The following SMYD5 variants were observed in gnomAD, a reference collection of about 807,000 sequenced individuals.
SMYD5 encodes the protein protein-lysine N-trimethyltransferase SMYD5.
Under a neutral mutation model 57.4 loss-of-function variants are expected in SMYD5, and 35 were observed. That is an observed-to-expected ratio of 0.61 (90% CI 0.47 to 0.81). The LOEUF (loss-of-function observed/expected upper bound fraction) is 0.81. Among genes scored for constraint, SMYD5 ranks in the 30% least tolerant of loss-of-function variants. The pLI is 0.00. For missense variants in SMYD5, 471 were observed against 527.9 expected, an observed-to-expected ratio of 0.89 and a Z score of 1.06; for synonymous variants, 198 against 189.7, an observed-to-expected ratio of 1.04 and a Z score of -0.36.
intron 2 of SMYD5, 81 bp downstream of exon 2, chr2:73,219,050 G>A (rs1319371885): frequency 1.4e-5 from 14 of 1,008,414 alleles, no homozygotes; most frequent in Non-Finnish European, 1.9e-5. Flanking sequence ...ACTGGCTGAC[G>A]TCTCTGGAAC....
Position 73,218,932 on chromosome 2 carries a change from T to C in SMYD5, c.168T>C (p.Ala56=). Residue 56 remains alanine (A), a synonymous_variant, in exon 2 of 13, where the codon GCT becomes GCC. Transcript: ENST00000389501. The part of the protein sequence containing the change: ...ETIFVERPLV[A]AQFLWNALYR... ...TCTTCGTAGAACGGCCCCTGGTGGC[T>C]GCACAGTTTCTCTGGAATGCACTTT... The C allele has an allele frequency of 6.2e-7, 1 of 1,614,196 alleles. No individual in the cohort carries two copies. Among genetic ancestry groups the C allele is most frequent in the Non-Finnish European group, 8.5e-7 (1 of 1,179,984 alleles).
At chr2:73,220,925 C>T in intron 4 of SMYD5, 143 bp downstream of exon 4, 1 of 982,478 alleles carries the variant, frequency 1.0e-6, no homozygotes, top group Non-Finnish European at 1.5e-6. Flanking sequence ...GTCACATAAC[C>T]CTATCCCCTG....
At position 73,226,091 on chromosome 2, in the gene SMYD5, C is replaced by T. The variant is rs1363308356; in HGVS notation, c.*145C>T. The T allele has an allele frequency of 5.1e-6, 6 of 1,169,306 alleles. No individual in the cohort carries two copies. In the Admixed American group the frequency reaches 8.6e-5, roughly 17 times the overall value. 72.4% of individuals were successfully genotyped at this position (1,169,306 alleles called of 1,614,324 possible). A position where few individuals can be genotyped will look rare whatever the true frequency, so the allele number is the denominator to read the frequency against. ...CTCTCTGCTAGAGGGTAGGAGAGAG[C>T]CTGGATCTCTGGCCCCAACCCCCAC... On this transcript the variant is annotated 3_prime_UTR_variant, in exon 13 of 13. Transcript: ENST00000389501.
intron 1 of SMYD5, 83 bp downstream of exon 1, chr2:73,214,445 C>T (rs1408748015): frequency 1.9e-6 from 3 of 1,602,712 alleles, no homozygotes; most frequent in Non-Finnish European, 2.6e-6. Context: ...GCCCGGAGCC[C>T]AGAGGCTTCT....
rs1483569832 is a variant in SMYD5, at chr2:73,224,019, G to A, written c.940+16G>A. On this transcript the variant is annotated intron_variant, in intron 10 of 12. Coordinates refer to ENST00000389501, the MANE Select transcript of SMYD5 (RefSeq NM_006062.3). ...CAGAGCTGCTGTGAGTCATGGCGTT[G>A]AGGAGGGATGGTCCCAGGCGCTTCT... 10 of 1,613,190 alleles carry A rather than the reference G, an allele frequency of 6.2e-6. No homozygotes were observed. The highest frequency in any genetic ancestry group is 8.5e-6 in the Non-Finnish European group (10 of 1,179,210).
chr2:73,214,439 G>C (rs1686252715), intron 1 of SMYD5, 77 bp downstream of exon 1: 1 of 1,603,744 alleles, frequency 6.2e-7, no homozygotes, highest in African/African-American at 1.3e-5. Flanking sequence ...CTCCATGCCC[G>C]GAGCCCAGAG....
Position 73,223,025 on chromosome 2 carries a change from T to G in SMYD5, c.706-11T>G. 1 of 1,612,558 alleles carries G rather than the reference T, an allele frequency of 6.2e-7. No individual in the cohort carries two copies. The highest frequency in any genetic ancestry group is 8.5e-7 in the Non-Finnish European group (1 of 1,178,596). On this transcript the variant is annotated splice_polypyrimidine_tract_variant and intron_variant, in intron 7 of 12. Coordinates refer to ENST00000389501, the MANE Select transcript of SMYD5 (RefSeq NM_006062.3). ...CTGTAATGAGCACTCATCTCTTTTT[T>G]CCCCCCACAGTGGTTCACTCCAGAT... is the stretch of plus-strand genomic sequence containing the variant.
intron 7 of SMYD5, 81 bp from the exon 8 acceptor site, chr2:73,222,955 G>A: frequency 6.6e-7 from 1 of 1,509,960 alleles, no homozygotes; most frequent in Non-Finnish European, 9.2e-7. Flanking sequence ...CTGACTCACA[G>A]AAGGCTTCCC....
chr2:73,219,060 C>T, intron 2 of SMYD5, 91 bp downstream of exon 2: 1 of 909,612 alleles, frequency 1.1e-6, no homozygotes, highest in Admixed American at 1.9e-5. Context: ...GTCTCTGGAA[C>T]TCTGGGTGTT....
chr2:73,224,789 G>T, intron 10 of SMYD5, 77 bp from the exon 11 acceptor site: 1 of 1,135,948 alleles, frequency 8.8e-7, no homozygotes, highest in Non-Finnish European at 1.3e-6. Flanking sequence ...GAGCAAGAAA[G>T]GACCCAGTGC....
At chr2:73,215,060 A>G (rs28494633) in intron 1 of SMYD5, among the ~76,000 whole-genome samples, 17,599 of 152,218 alleles carry the variant, frequency 0.12, 1,633 homozygotes, top group African/African-American at 0.26. Flanking sequence ...ATTTCTACAT[A>G]TTAAGTTTTA....
Position 73,220,538 on chromosome 2 carries a change from A to G in SMYD5, c.346-123A>G, listed in dbSNP as rs1005528508. The G allele has an allele frequency of 3.3e-5, 39 of 1,168,080 alleles. 1 individual carries two copies. The South Asian group carries it at 3.9e-4, about 12-fold the overall frequency. 72.4% of individuals were successfully genotyped at this position (1,168,080 alleles called of 1,614,324 possible). On this transcript the variant is annotated intron_variant, in intron 3 of 12. Transcript: ENST00000389501. ...CTTTCACATATCCCCAGAGCACCCT[A>G]TGTTTTCTCTTCTCATGATACATCT...
chr2:73,221,142 C>T, intron 4 of SMYD5, 23 bp from the exon 5 acceptor site: 1 of 1,608,268 alleles, frequency 6.2e-7, no homozygotes, highest in Non-Finnish European at 8.5e-7. Flanking sequence ...ATTTCTAGGC[C>T]AATCTTTTTT....
chr2:73,218,707 T>C (rs1429023427), intron 1 of SMYD5, among the ~76,000 whole-genome samples, 154 bp from the exon 2 acceptor site: 1 of 152,218 alleles, frequency 6.6e-6, no homozygotes. Flanking sequence ...GAGAAAGTTA[T>C]GGAGGGTGCT....
intron 2 of SMYD5, 54 bp from the exon 3 acceptor site, chr2:73,219,997 G>C: frequency 6.2e-7 from 1 of 1,612,590 alleles, no homozygotes. Flanking sequence ...CTGTGAAAGG[G>C]ATAGATGTGG....
intron 2 of SMYD5, chr2:73,219,820 G>A: frequency 1.6e-6 from 1 of 618,694 alleles, no homozygotes; most frequent in Non-Finnish European, 3.0e-6. Flanking sequence ...TAGACAATAA[G>A]GGCCAGGAGG....
rs1266688758 is a variant in SMYD5, at chr2:73,223,426, C to T, written c.777C>T (p.Ser259=). The T allele has an allele frequency of 8.7e-6, 14 of 1,610,232 alleles. No individual in the cohort carries two copies. Among genetic ancestry groups the T allele is most frequent in the African/African-American group, 2.7e-5 (2 of 74,836 alleles). The change falls in exon 9 of 13, where the codon AGC becomes AGT. Residue 259 remains serine (S), a splice_region_variant and synonymous_variant. Coordinates refer to ENST00000389501, the MANE Select transcript of SMYD5 (RefSeq NM_006062.3). The part of the protein sequence containing the change: ...VGTNGQGIGT[S]SLSQWVHACD... ...CCATGGGCTGCCTGGGACCCCCCAG[C>T]TCCCTAAGCCAGTGGGTCCATGCCT... is the stretch of plus-strand genomic sequence containing the variant.
chr2:73,225,475 G>A (rs1321777258), intron 11 of SMYD5, 156 bp from the exon 12 acceptor site: 7 of 708,944 alleles, frequency 9.9e-6, no homozygotes, highest in Non-Finnish European at 1.8e-5. Flanking sequence ...GAAGGCACTG[G>A]GAACTGGATG....
intron 8 of SMYD5, 126 bp from the exon 9 acceptor site, chr2:73,223,300 C>T: frequency 6.1e-6 from 5 of 819,514 alleles, no homozygotes; most frequent in Non-Finnish European, 1.0e-5. Context: ...GATGGGCCCC[C>T]ACCTGGAGAA....
Sources: allele counts gnomAD v4.1 joint callset (sites outside exome capture counted in the v4.1 genomes callset), GRCh38; gene constraint gnomAD v4.1.1; transcripts MANE v1.5; gene names NCBI Gene and HGNC (gene_info 2026-07-23, HGNC 2026-07-21).